The following SLC25A14 variants were observed in gnomAD, a reference collection of about 807,000 sequenced individuals.
SLC25A14 encodes the protein solute carrier family 25 member 14.
SLC25A14 carries 8 observed loss-of-function variants against 28.1 expected under a neutral mutation model. That is an observed-to-expected ratio of 0.28 (90% CI 0.17 to 0.51). The LOEUF (loss-of-function observed/expected upper bound fraction) is 0.51, where lower values mean the gene tolerates loss of function less well. SLC25A14 is among the 20% of genes least tolerant of loss of function. SLC25A14 has a pLI of 0.97. For synonymous variants in SLC25A14, 74 were observed against 90.6 expected (o/e 0.82, Z 1.04); for missense variants, 135 against 263.8 (o/e 0.51, Z 3.38).
chrX:130,340,377 T>A (rs2033208546), intron 2 of SLC25A14, 24 bp downstream of exon 2: 1 of 1,206,588 alleles, frequency 8.3e-7, no homozygotes, highest in African/African-American at 1.8e-5. Flanking sequence ...TCCATTGTAT[T>A]AGTGTAAGGG....
At chrX:130,346,438 A>T in intron 3 of SLC25A14, 106 bp from the exon 4 acceptor site, 1 of 653,465 alleles carries the variant, frequency 1.5e-6, no homozygotes, top group Non-Finnish European at 2.4e-6. Context: ...ATGTGTTATA[A>T]AAAGGACTTT....
intron 2 of SLC25A14, among the ~76,000 whole-genome samples, chrX:130,343,477 A>G (rs2239483): frequency 0.35 from 38,740 of 111,077 alleles, 5,340 homozygotes; most frequent in Non-Finnish European, 0.44. Context: ...CAAAAGGGCT[A>G]TCTATCCCAG....
intron 6 of SLC25A14, among the ~76,000 whole-genome samples, chrX:130,356,561 T>C (rs1252350804): frequency 9.0e-6 from 1 of 111,006 alleles, no homozygotes; most frequent in African/African-American, 3.3e-5. Flanking sequence ...GTGGGGCTGT[T>C]TGGCTGTTCT....
At chrX:130,369,026 T>C (rs1208031936) in intron 9 of SLC25A14, among the ~76,000 whole-genome samples, 1 of 112,699 alleles carries the variant, frequency 8.9e-6, no homozygotes, top group Non-Finnish European at 1.9e-5. Context: ...ACTTTATTAT[T>C]TTGTCTATGC....
chrX:130,366,486 A>G (rs182433151), intron 9 of SLC25A14, among the ~76,000 whole-genome samples: 1 of 111,962 alleles, frequency 8.9e-6, no homozygotes, highest in African/African-American at 3.2e-5. Context: ...CCATTACTCC[A>G]CGAGGTAGAC....
At chrX:130,372,714 G>T (rs184830316) in intron 10 of SLC25A14, among the ~76,000 whole-genome samples, 195 bp from the exon 11 acceptor site, 1,520 of 110,736 alleles carry the variant, frequency 0.014, 18 homozygotes, top group South Asian at 0.024. Flanking sequence ...CACCCACCTC[G>T]GCCTCTCAAA....
chrX:130,364,945 G>A (rs1569455700), intron 8 of SLC25A14, 193 bp downstream of exon 8: 62 of 967,649 alleles, frequency 6.4e-5, no homozygotes, highest in Non-Finnish European at 7.8e-5. Context: ...TGGGGGCTTG[G>A]GTACTTGGGA....
intron 7 of SLC25A14, chrX:130,359,116 G>T (rs2124762447): frequency 2.9e-6 from 2 of 698,963 alleles, no homozygotes. Flanking sequence ...ACTTTGGGAG[G>T]CCAACGCGGG....
At position 130,340,240 on chromosome X, in the gene SLC25A14, A is replaced by G; in HGVS notation, c.-39A>G. 1 of 1,210,387 alleles carries G rather than the reference A, an allele frequency of 8.3e-7. No individual in the cohort carries two copies. The highest frequency in any genetic ancestry group is 1.1e-6 in the Non-Finnish European group (1 of 894,680). On this transcript the variant is annotated 5_prime_UTR_variant, in exon 2 of 11. Transcript: ENST00000545805. ...CTTCTCTCCACGAGCTCGCTCTGAC[A>G]GCTGAGGAACTGGCAAGATCCTGCT...
intron 7 of SLC25A14, chrX:130,358,937 G>C: frequency 1.2e-6 from 1 of 804,558 alleles, no homozygotes; most frequent in Non-Finnish European, 1.8e-6. Flanking sequence ...GGTGGGGAAA[G>C]TTATTACATT....
chrX:130,345,241 A>G lies in SLC25A14; in HGVS notation c.135A>G (p.Val45=). Residue 45 remains valine, a synonymous_variant, in exon 3 of 11, where the codon GTA becomes GTG. Transcript: ENST00000545805. ...EMSGLNWKPF[V]YGGLASIVAE... is the part of the protein sequence containing the mutation. ...CTGGTCTGAATTGGAAACCCTTTGT[A>G]TATGGCGGCCTTGCCTCTATCGTGG... The G allele has an allele frequency of 1.7e-6, 2 of 1,201,737 alleles. No homozygotes were observed. Among genetic ancestry groups the G allele is most frequent in the Non-Finnish European group, 2.3e-6 (2 of 886,308 alleles).
At chrX:130,365,939 A>C (rs1341051932) in intron 9 of SLC25A14, among the ~76,000 whole-genome samples, 2 of 112,154 alleles carry the variant, frequency 1.8e-5, no homozygotes, top group Admixed American at 1.9e-4. Flanking sequence ...AATTATTGAT[A>C]GAAAAGACAA....
intron 7 of SLC25A14, among the ~76,000 whole-genome samples, chrX:130,363,626 GTTTTCCACA>G (rs1294313638): frequency 8.9e-6 from 1 of 112,408 alleles, no homozygotes; most frequent in African/African-American, 3.2e-5. Context: ...GTGCCAAATT[GTTTTCCACA>G]GTGGCTGCCC....
intron 2 of SLC25A14, among the ~76,000 whole-genome samples, chrX:130,341,766 A>T (rs1031498546): frequency 8.9e-6 from 1 of 112,422 alleles, no homozygotes; most frequent in African/African-American, 3.2e-5. Context: ...CTTAGATATG[A>T]CTACTTTTAC....
chrX:130,365,474 G>T, intron 8 of SLC25A14, 67 bp from the exon 9 acceptor site: 1 of 1,195,162 alleles, frequency 8.4e-7, no homozygotes, highest in Non-Finnish European at 1.1e-6. Flanking sequence ...TTTACGTTTG[G>T]CCTAATTTCT....
At chrX:130,361,738 G>A (rs1197770012) in intron 7 of SLC25A14, among the ~76,000 whole-genome samples, 2 of 112,112 alleles carry the variant, frequency 1.8e-5, no homozygotes, top group Non-Finnish European at 3.8e-5. Context: ...AGAGAGGACA[G>A]CTACTCCTTA....
Position 130,372,936 on chromosome X carries a change from A to G in SLC25A14, c.964A>G (p.Arg322Gly). 1 of 1,191,889 alleles carries G rather than the reference A, an allele frequency of 8.4e-7. No individual in the cohort carries two copies. The highest frequency in any genetic ancestry group is 1.1e-6 in the Non-Finnish European group (1 of 879,686). ...IFFITYEQLK[R>G]LQI Reference sequence around the variant, plus strand: ...TTTTATTACATACGAGCAGCTAAAGAGGCTTCAAATCTAAGAACTGAATTA... The same window carrying G: ...TTTTATTACATACGAGCAGCTAAAGGGGCTTCAAATCTAAGAACTGAATTA... Residue 322 changes from arginine to glycine, a missense_variant, in exon 11 of 11, where the codon AGG (arginine) becomes GGG (glycine). Transcript: ENST00000545805.
intron 6 of SLC25A14, among the ~76,000 whole-genome samples, chrX:130,354,112 C>CTAT (rs2033707531): frequency 2.6e-5 from 2 of 78,340 alleles, no homozygotes; most frequent in African/African-American, 9.9e-5. Flanking sequence ...TTTTTTTTTA[C>CTAT]TATTATTATT....
At chrX:130,364,607 A>G (rs1253110076) in intron 7 of SLC25A14, 21 bp from the exon 8 acceptor site, 1 of 1,175,505 alleles carries the variant, frequency 8.5e-7, no homozygotes, top group South Asian at 1.8e-5. Context: ...CTTGGTGCCT[A>G]ATGTCACTTG....
Sources: allele counts gnomAD v4.1 joint callset (sites outside exome capture counted in the v4.1 genomes callset), GRCh38; gene constraint gnomAD v4.1.1; transcripts MANE v1.5; gene names NCBI Gene and HGNC (gene_info 2026-07-23, HGNC 2026-07-21).